Variants in TRABD2B observed in about 807,000 individuals in gnomAD.
The protein encoded by TRABD2B is metalloprotease TIKI2.
Under a neutral mutation model 40.1 loss-of-function variants are expected in TRABD2B, and 14 were observed. The ratio of observed to expected loss-of-function variants is 0.35; its 90% CI spans 0.23 to 0.55. The LOEUF (loss-of-function observed/expected upper bound fraction) is 0.55. TRABD2B is among the 20% of genes least tolerant of loss of function. The pLI, the probability that TRABD2B is intolerant of heterozygous loss-of-function variation, is 0.90. For synonymous variants in TRABD2B, 263 were observed against 277.0 expected (o/e 0.95, Z 0.50); for missense variants, 541 against 648.6 (o/e 0.83, Z 1.80).
chr1:47,883,159 A>C (rs1340214), intron 2 of TRABD2B, among the ~76,000 whole-genome samples: 149,326 of 152,266 alleles, frequency 0.98, 73,305 homozygotes, highest in East Asian at 1. Flanking sequence ...GCCTCCATAT[A>C]CCCAGCTTGT....
intron 2 of TRABD2B, among the ~76,000 whole-genome samples, chr1:47,935,054 A>G (rs1645089021): frequency 1.3e-5 from 2 of 152,132 alleles, no homozygotes; most frequent in African/African-American, 4.8e-5. Flanking sequence ...ATCCTGCAAG[A>G]AGCCTGCTCT....
chr1:47,979,233 G>A (rs1163397344), intron 2 of TRABD2B, among the ~76,000 whole-genome samples: 12 of 152,228 alleles, frequency 7.9e-5, no homozygotes. Flanking sequence ...CTCAGGCGAT[G>A]ATGTGTAGAC....
intron 2 of TRABD2B, among the ~76,000 whole-genome samples, chr1:47,804,442 C>T (rs1433346918): frequency 1.3e-5 from 2 of 152,044 alleles, no homozygotes. Flanking sequence ...ACAGGCTTCC[C>T]GTGACTACAC....
In TRABD2B at chr1:47,775,255, CA is replaced by C; in HGVS notation, c.1263del (p.Phe421LeufsTer140). On this transcript the variant is annotated frameshift_variant, in exon 6 of 7. Coordinates refer to ENST00000606738, the MANE Select transcript of TRABD2B (RefSeq NM_001194986.2). LOFTEE classifies it high-confidence loss of function. ...CTCTTGTGCCACTTCCTCTGCCGGC[CA>C]AACTCCTCCAGCTGGCTGAGGCTGT... The part of the protein sequence containing the change: ...LPDSLSQLEE[F>X]GRQRKWHKRQ... 1 of 1,253,878 alleles carries C rather than the reference CA, an allele frequency of 8.0e-7. No individual in the cohort carries two copies. Among genetic ancestry groups the C allele is most frequent in the Non-Finnish European group, 1.0e-6 (1 of 997,208 alleles). The allele number at this position is 1,253,878 out of a possible 1,614,324, so 77.7% of individuals were successfully genotyped here. A position where few individuals can be genotyped will look rare whatever the true frequency, so the allele number is the denominator to read the frequency against.
intron 2 of TRABD2B, among the ~76,000 whole-genome samples, chr1:47,993,238 C>G (rs1019774086): frequency 5.3e-5 from 8 of 152,166 alleles, no homozygotes; most frequent in Non-Finnish European, 2.9e-5. Context: ...TTCCCAGGGT[C>G]TCAGAGTTGA....
chr1:47,861,733 G>C (rs935154685), intron 2 of TRABD2B, among the ~76,000 whole-genome samples: 1 of 152,170 alleles, frequency 6.6e-6, no homozygotes, highest in African/African-American at 2.4e-5. Context: ...TCAGAACACA[G>C]AAGCAGGGGG....
At chr1:47,833,366 G>A (rs907504210) in intron 2 of TRABD2B, among the ~76,000 whole-genome samples, 1 of 152,214 alleles carries the variant, frequency 6.6e-6, no homozygotes, top group African/African-American at 2.4e-5. Context: ...CAGGTCAAAA[G>A]GTGCAGCCTT....
intron 2 of TRABD2B, among the ~76,000 whole-genome samples, chr1:47,946,439 T>C (rs1395991757): frequency 6.6e-6 from 1 of 152,184 alleles, no homozygotes; most frequent in African/African-American, 2.4e-5. Context: ...AGAGTTTTTA[T>C]CATGAGCAAT....
chr1:47,867,517 C>G (rs983278723), intron 2 of TRABD2B, among the ~76,000 whole-genome samples: 1 of 152,124 alleles, frequency 6.6e-6, no homozygotes, highest in Admixed American at 6.6e-5. Flanking sequence ...GTGAGAAGGA[C>G]AGAGGGAGTG....
At chr1:47,971,122 G>A (rs766897001) in intron 2 of TRABD2B, among the ~76,000 whole-genome samples, 1 of 152,210 alleles carries the variant, frequency 6.6e-6, no homozygotes, top group Non-Finnish European at 1.5e-5. Context: ...CTTGGAAATG[G>A]AAGGCCTGGC....
chr1:47,846,951 G>A (rs1341599337), intron 2 of TRABD2B, among the ~76,000 whole-genome samples: 1 of 151,660 alleles, frequency 6.6e-6, no homozygotes, highest in Non-Finnish European at 1.5e-5. Flanking sequence ...CCTGGGCAGT[G>A]ATCTGCGGGA....
At chr1:47,854,997 C>T (rs775972011) in intron 2 of TRABD2B, among the ~76,000 whole-genome samples, 1 of 152,078 alleles carries the variant, frequency 6.6e-6, no homozygotes, top group Non-Finnish European at 1.5e-5. Flanking sequence ...GGTAATAGGC[C>T]TTCTTGGGAT....
chr1:47,948,849 C>T (rs912214570), intron 2 of TRABD2B, among the ~76,000 whole-genome samples: 7 of 152,146 alleles, frequency 4.6e-5, no homozygotes, highest in African/African-American at 1.7e-4. Flanking sequence ...ACCACCCTCT[C>T]GCCAAGCCTC....
chr1:47,987,081 G>A (rs573733301), intron 2 of TRABD2B, among the ~76,000 whole-genome samples: 3 of 152,286 alleles, frequency 2.0e-5, no homozygotes, highest in South Asian at 2.1e-4. Context: ...CCTCTTCTTG[G>A]CTTTGAGAGA....
intron 2 of TRABD2B, among the ~76,000 whole-genome samples, chr1:47,960,596 C>T (rs1221917273): frequency 6.6e-6 from 1 of 152,096 alleles, no homozygotes; most frequent in Admixed American, 6.6e-5. Flanking sequence ...AATCATGAGT[C>T]AACTCCTATT....
chr1:47,921,001 C>T (rs1644894532), intron 2 of TRABD2B, among the ~76,000 whole-genome samples: 1 of 152,230 alleles, frequency 6.6e-6, no homozygotes, highest in Non-Finnish European at 1.5e-5. Context: ...AACTATGGAA[C>T]TACCCATTTT....
At chr1:47,834,744 C>T (rs34120606) in intron 2 of TRABD2B, among the ~76,000 whole-genome samples, 3,589 of 152,240 alleles carry the variant, frequency 0.024, 112 homozygotes, top group Admixed American at 0.094. Context: ...TCAGAAAAGT[C>T]ATTAATTAAA....
In TRABD2B at chr1:47,949,138, G is replaced by A. The variant is rs190010669; in HGVS notation, c.666+44896C>T. On this transcript the variant is annotated intron_variant, in intron 2 of 6. Coordinates refer to ENST00000606738, the MANE Select transcript of TRABD2B (RefSeq NM_001194986.2). ...TTGCTAATACATAGTAAGAGTAACT[G>A]CAATTAATGCTACTATGATGCATGC... Among the ~76,000 whole-genome samples, 213 of 152,240 alleles carry A rather than the reference G, an allele frequency of 1.4e-3. 1 individual carries two copies. Among genetic ancestry groups the A allele is most frequent in the Middle Eastern group, 3.4e-3 (1 of 294 alleles).
chr1:47,984,231 G>A (rs1050889669), intron 2 of TRABD2B, among the ~76,000 whole-genome samples: 1 of 152,248 alleles, frequency 6.6e-6, no homozygotes, highest in Non-Finnish European at 1.5e-5. Context: ...GCCGCGCGCC[G>A]CGCCGCCTCC....
Sources: allele counts gnomAD v4.1 joint callset (sites outside exome capture counted in the v4.1 genomes callset), GRCh38; gene constraint gnomAD v4.1.1; transcripts MANE v1.5; gene names NCBI Gene and HGNC (gene_info 2026-07-23, HGNC 2026-07-21).